CRPPA: variants seen among roughly 807,000 people sequenced by gnomAD.
The protein encoded by CRPPA is D-ribitol-5-phosphate cytidylyltransferase.
Under a neutral mutation model 52.0 loss-of-function variants are expected in CRPPA, and 43 were observed. That is an observed-to-expected ratio of 0.83 (90% CI 0.65 to 1.07). The LOEUF (loss-of-function observed/expected upper bound fraction) is 1.07, where lower values mean the gene tolerates loss of function less well. Among genes scored for constraint, CRPPA ranks in the 50% least tolerant of loss-of-function variants. CRPPA has a pLI of 0.00. For missense variants in CRPPA, 629 were observed against 551.7 expected, an observed-to-expected ratio of 1.14 and a Z score of -1.40; for synonymous variants, 250 against 203.5, an observed-to-expected ratio of 1.23 and a Z score of -1.94.
At chr7:16,286,095 A>ATAT (rs1554309930) in intron 5 of CRPPA, among the ~76,000 whole-genome samples, 1,074 of 26,512 alleles carry the variant, frequency 0.041, 132 homozygotes, top group Non-Finnish European at 0.055. Context: ...TTTAAAAAAA[A>ATAT]AAATATATAT....
At chr7:16,378,624 C>G (rs1442267303) in intron 2 of CRPPA, among the ~76,000 whole-genome samples, 1 of 151,680 alleles carries the variant, frequency 6.6e-6, no homozygotes, top group Non-Finnish European at 1.5e-5. Context: ...GGGTATATAC[C>G]CAGTAATGGG....
intron 3 of CRPPA, among the ~76,000 whole-genome samples, chr7:16,339,576 T>C (rs1396056759): frequency 6.6e-6 from 1 of 152,232 alleles, no homozygotes; most frequent in Non-Finnish European, 1.5e-5. Flanking sequence ...GGAGGAAATC[T>C]ACAGCTATCA....
At chr7:16,253,021 G>A (rs189907784) in intron 8 of CRPPA, among the ~76,000 whole-genome samples, 204 of 152,104 alleles carry the variant, frequency 1.3e-3, no homozygotes, top group East Asian at 8.7e-3. Context: ...CTTGCTAGTG[G>A]TCTATCTATT....
intron 9 of CRPPA, among the ~76,000 whole-genome samples, chr7:16,204,021 G>T (rs1310243461): frequency 6.6e-6 from 1 of 152,134 alleles, no homozygotes; most frequent in Non-Finnish European, 1.5e-5. Flanking sequence ...AAATTGAGAT[G>T]AAATTTAAAA....
intron 9 of CRPPA, among the ~76,000 whole-genome samples, chr7:16,163,654 C>T (rs975756923): frequency 6.6e-6 from 1 of 152,086 alleles, no homozygotes; most frequent in Non-Finnish European, 1.5e-5. Context: ...TGGCTGGTAC[C>T]AGTTTTTCCT....
chr7:16,142,129 G>A (rs1782885289), intron 9 of CRPPA, among the ~76,000 whole-genome samples: 1 of 152,116 alleles, frequency 6.6e-6, no homozygotes, highest in Non-Finnish European at 1.5e-5. Context: ...CGGATATAAA[G>A]GGGCATCTAA....
chr7:16,296,151 A>T (rs562882088), intron 5 of CRPPA, among the ~76,000 whole-genome samples: 14 of 152,328 alleles, frequency 9.2e-5, no homozygotes, highest in African/African-American at 3.1e-4. Flanking sequence ...ATGAAAATAC[A>T]TATAAACACA....
rs1357510036 is a variant in CRPPA, at chr7:16,184,317, T to C, written c.1251+31749A>G. 2.6e-5 allele frequency among the ~76,000 whole-genome samples: 4 copies of C among 152,272 alleles called. No homozygotes were observed. In the East Asian group the frequency reaches 5.8e-4, roughly 22 times the overall value. Reference sequence around the variant, plus strand: ...CATTTTTTCAGTAAATTTTTATAAATGCATTTCATGGAAACATACAATATT... The same window carrying C: ...CATTTTTTCAGTAAATTTTTATAAACGCATTTCATGGAAACATACAATATT... On this transcript the variant is annotated intron_variant, in intron 9 of 9. Transcript: ENST00000407010.
intron 2 of CRPPA, among the ~76,000 whole-genome samples, chr7:16,403,092 T>G (rs1464636505): frequency 6.6e-6 from 1 of 152,024 alleles, no homozygotes; most frequent in Non-Finnish European, 1.5e-5. Context: ...AAAGCAATAT[T>G]AAAGCCAGGA....
At chr7:16,419,376 G>C (rs576469161) in intron 1 of CRPPA, among the ~76,000 whole-genome samples, 1 of 152,186 alleles carries the variant, frequency 6.6e-6, no homozygotes. Flanking sequence ...GGCATAGGCC[G>C]AACTAACCTT....
chr7:16,342,763 C>CAAAAAAAAAAAAAAAAAA (rs368521163), intron 3 of CRPPA, among the ~76,000 whole-genome samples: 4 of 64,958 alleles, frequency 6.2e-5, no homozygotes, highest in African/African-American at 6.0e-5. Flanking sequence ...CCTGTCTCCA[C>CAAAAAAAAAAAAAAAAAA]AAAAAAAAAA....
At chr7:16,376,326 G>C in intron 2 of CRPPA, 85 bp from the exon 3 acceptor site, 1 of 1,327,054 alleles carries the variant, frequency 7.5e-7, no homozygotes, top group Non-Finnish European at 1.0e-6. Flanking sequence ...ACTTTTGACA[G>C]ATCTTATTCA....
intron 8 of CRPPA, among the ~76,000 whole-genome samples, chr7:16,254,843 A>AAGAG (rs1229873916): frequency 1.4e-5 from 2 of 145,642 alleles, no homozygotes; most frequent in African/African-American, 5.0e-5. Flanking sequence ...GAAAGAAAGA[A>AAGAG]AGAGAAAGAA....
At chr7:16,193,573 C>A (rs888183533) in intron 9 of CRPPA, among the ~76,000 whole-genome samples, 2 of 151,902 alleles carry the variant, frequency 1.3e-5, no homozygotes, top group Admixed American at 6.6e-5. Flanking sequence ...ATAATTTCAC[C>A]ATATTTTAAG....
At chr7:16,204,878 A>C (rs1351832066) in intron 9 of CRPPA, among the ~76,000 whole-genome samples, 1 of 152,202 alleles carries the variant, frequency 6.6e-6, no homozygotes, top group Non-Finnish European at 1.5e-5. Context: ...AAAAATCATA[A>C]CTTGGTAACG....
chr7:16,400,013 C>G (rs1325158488), intron 2 of CRPPA, among the ~76,000 whole-genome samples: 1 of 152,062 alleles, frequency 6.6e-6, no homozygotes, highest in Non-Finnish European at 1.5e-5. Flanking sequence ...GTGACTGACT[C>G]GCGAATGACA....
rs115295062 is a variant in CRPPA at position 16,399,038 on chromosome 7, A to G, written c.534+7023T>C. 3.2e-3 allele frequency among the ~76,000 whole-genome samples: 486 copies of G among 152,322 alleles called. 2 individuals are homozygous for G. Among genetic ancestry groups the G allele is most frequent in the African/African-American group, 0.011 (441 of 41,588 alleles). On this transcript the variant is annotated intron_variant, in intron 2 of 9. Transcript: ENST00000407010. The stretch of plus-strand genomic sequence containing the variant: ...TTGACATGTGACCAACACGTTTAGG[A>G]CAGGTGACAAGCGATTCACAATTGG...
chr7:16,234,228 C>CA (rs1782879867), intron 8 of CRPPA, among the ~76,000 whole-genome samples: 1 of 151,976 alleles, frequency 6.6e-6, no homozygotes, highest in Admixed American at 6.6e-5. Flanking sequence ...CTATCTCCAA[C>CA]AAAAAGTTTG....
intron 9 of CRPPA, among the ~76,000 whole-genome samples, chr7:16,117,628 T>G (rs1782402449): frequency 6.6e-6 from 1 of 152,218 alleles, no homozygotes; most frequent in African/African-American, 2.4e-5. Context: ...TCCTTGCCAC[T>G]TGGAAGTGGC....
Sources: gnomAD v4.1 joint callset for allele counts (sites outside exome capture counted in the v4.1 genomes callset) on GRCh38, gnomAD v4.1.1 for gene constraint, MANE v1.5 for transcripts, NCBI Gene and HGNC (gene_info 2026-07-23, HGNC 2026-07-21) for gene names.